The following SNRPN variants were observed in gnomAD, a reference collection of about 807,000 sequenced individuals.
The protein encoded by SNRPN is small nuclear ribonucleoprotein-associated protein N.
A neutral mutation model predicts 25.2 loss-of-function variants in SNRPN; 7 were observed. The observed-to-expected ratio is 0.28, with a 90% CI of 0.16 to 0.52. The LOEUF (loss-of-function observed/expected upper bound fraction) is 0.52, where lower values mean the gene tolerates loss of function less well. Among genes scored for constraint, SNRPN ranks in the 20% least tolerant of loss-of-function variants. The probability of loss-of-function intolerance (pLI) is 0.96; values close to 1 mark genes in which losing one functional copy is unlikely to be tolerated. For synonymous variants in SNRPN, 124 were observed against 110.6 expected, an observed-to-expected ratio of 1.12 and a Z score of -0.76; for missense variants, 196 against 322.5, an observed-to-expected ratio of 0.61 and a Z score of 3.00.
chr15:24,867,020 G>A (rs574966155), intron 1 of SNRPN, among the ~76,000 whole-genome samples: 107 of 152,226 alleles, frequency 7.0e-4, no homozygotes, highest in African/African-American at 2.5e-3. Flanking sequence ...AACTATAATA[G>A]TGGATTCATC....
At chr15:24,909,236 C>T (rs953536607) in intron 2 of SNRPN, 34 of 1,570,412 alleles carry the variant, frequency 2.2e-5, no homozygotes, top group African/African-American at 1.5e-4. Flanking sequence ...GATGTGCTTC[C>T]GGTGTACTTC....
At chr15:24,942,625 G>T (rs1040424344) in intron 3 of SNRPN, among the ~76,000 whole-genome samples, 2 of 152,210 alleles carry the variant, frequency 1.3e-5, no homozygotes, top group African/African-American at 4.8e-5. Flanking sequence ...TGCATGCAGT[G>T]TAAGCAAATC....
At chr15:24,884,077 T>C (rs550726148) in intron 1 of SNRPN, among the ~76,000 whole-genome samples, 1 of 142,110 alleles carries the variant, frequency 7.0e-6, no homozygotes, top group South Asian at 2.2e-4. Flanking sequence ...TTTGGGAGGC[T>C]GAAGCAGGAA....
intron 2 of SNRPN, among the ~76,000 whole-genome samples, chr15:24,847,265 A>G (rs774090706): frequency 3.9e-5 from 6 of 152,214 alleles, no homozygotes; most frequent in Non-Finnish European, 8.8e-5. Context: ...GGCAAACTTA[A>G]TAACAAGAGG....
In SNRPN at chr15:24,891,763, T is replaced by A. The variant is rs74697794; in HGVS notation, c.-505+5174T>A. Among the ~76,000 whole-genome samples the A allele has an allele frequency of 5.0e-4, 76 of 152,258 alleles. 2 individuals carry two copies. In the South Asian group the frequency reaches 0.015, roughly 31 times the overall value. ...AATTTCTTTTAAGATATTTTATAAA[T>A]TAATTTGGTAATACCATCAGAGGCA... On this transcript the variant is annotated intron_variant, in intron 2 of 11. Coordinates refer to the SNRPN transcript ENST00000400097.
intron 1 of SNRPN, among the ~76,000 whole-genome samples, chr15:24,865,788 A>C (rs777683654): frequency 2.4e-4 from 37 of 152,056 alleles, no homozygotes; most frequent in Admixed American, 5.2e-4. Flanking sequence ...TCTCTATTTT[A>C]ATATGAATGC....
At chr15:24,871,027 C>T (rs1317701613) in intron 1 of SNRPN, among the ~76,000 whole-genome samples, 2 of 151,660 alleles carry the variant, frequency 1.3e-5, no homozygotes, top group East Asian at 1.9e-4. Flanking sequence ...ATTACAGGCA[C>T]GCACCACCAC....
intron 3 of SNRPN, among the ~76,000 whole-genome samples, chr15:24,941,509 G>C (rs1479848764): frequency 6.6e-6 from 1 of 152,164 alleles, no homozygotes; most frequent in African/African-American, 2.4e-5. Context: ...TTTCTGAAGG[G>C]TCTAGGCCAG....
chr15:24,875,910 C>T lies in SNRPN; in HGVS notation c.-578-10606C>T, dbSNP rs71461565. Among the ~76,000 whole-genome samples the T allele has an allele frequency of 5.2e-3, 795 of 151,864 alleles. 10 individuals carry two copies. The highest frequency in any genetic ancestry group is 0.02 in the Middle Eastern group (6 of 294). On this transcript the variant is annotated intron_variant, in intron 1 of 11. Coordinates refer to the SNRPN transcript ENST00000400097. ...CTCTACCAAAAATACAAAAACTAGC[C>T]AGACATGGTGGCACATGCCTGCAGT...
At chr15:24,837,224 G>T (rs1330452058) in intron 2 of SNRPN, among the ~76,000 whole-genome samples, 6 of 152,032 alleles carry the variant, frequency 3.9e-5, no homozygotes, top group African/African-American at 4.8e-5. Flanking sequence ...TCCTTGTACA[G>T]CTGTGAATGG....
chr15:24,878,324 G>C (rs1237362490), intron 1 of SNRPN, among the ~76,000 whole-genome samples: 1 of 152,188 alleles, frequency 6.6e-6, no homozygotes, highest in Non-Finnish European at 1.5e-5. Flanking sequence ...CGCAAGAAAT[G>C]TGCCACCGTT....
intron 2 of SNRPN, among the ~76,000 whole-genome samples, chr15:24,964,255 G>T (rs1237230891): frequency 1.3e-5 from 2 of 151,938 alleles, no homozygotes; most frequent in African/African-American, 4.8e-5. Context: ...AATATAATTT[G>T]TCCTTTATAT....
chr15:24,908,681 A>G (rs1010430259), intron 2 of SNRPN, among the ~76,000 whole-genome samples: 3 of 130,368 alleles, frequency 2.3e-5, no homozygotes, highest in Non-Finnish European at 4.7e-5. Context: ...TCACCATACC[A>G]ACTCAAAGTT....
At chr15:24,894,434 G>A (rs2057931433) in intron 2 of SNRPN, among the ~76,000 whole-genome samples, 2 of 152,104 alleles carry the variant, frequency 1.3e-5, no homozygotes. Flanking sequence ...TAGCCAGGAT[G>A]TGTCTTGATC....
intron 1 of SNRPN, among the ~76,000 whole-genome samples, chr15:24,878,466 C>T (rs956041773): frequency 2.6e-5 from 4 of 152,252 alleles, no homozygotes; most frequent in Admixed American, 2.0e-4. Flanking sequence ...TTTCTCCTTC[C>T]GGTTTCCGTT....
chr15:24,907,354 T>C (rs987328393), intron 2 of SNRPN, among the ~76,000 whole-genome samples: 1 of 152,046 alleles, frequency 6.6e-6, no homozygotes, highest in African/African-American at 2.4e-5. Context: ...TCCCAGCACT[T>C]TGGGAGGCCG....
At chr15:24,952,411 C>G (rs188514043), upstream of SNRPN, among the ~76,000 whole-genome samples, 3 of 152,314 alleles carry the variant, frequency 2.0e-5, no homozygotes, top group Admixed American at 1.3e-4. Flanking sequence ...TCAGGGTCTA[C>G]TAGCATGTCA....
intron 3 of SNRPN, among the ~76,000 whole-genome samples, chr15:24,971,873 A>G (rs560205622): frequency 6.9e-4 from 105 of 152,208 alleles, no homozygotes; most frequent in Non-Finnish European, 1.2e-3. Context: ...TTTCATCACC[A>G]CAGTAAGATC....
chr15:24,871,791 G>A (rs1462214333), intron 1 of SNRPN, among the ~76,000 whole-genome samples: 3 of 143,660 alleles, frequency 2.1e-5, no homozygotes, highest in African/African-American at 2.5e-5. Flanking sequence ...TGCAAGCTCC[G>A]CCTCCCCGGT....
Sources: allele counts gnomAD v4.1 joint callset (sites outside exome capture counted in the v4.1 genomes callset), GRCh38; gene constraint gnomAD v4.1.1; transcripts MANE v1.5; gene names NCBI Gene and HGNC (gene_info 2026-07-23, HGNC 2026-07-21).